Variants in ADAMTS17 observed in about 807,000 individuals in gnomAD.
The protein encoded by ADAMTS17 is A disintegrin and metalloproteinase with thrombospondin motifs 17.
A neutral mutation model predicts 141.5 loss-of-function variants in ADAMTS17; 113 were observed. That is an observed-to-expected ratio of 0.80 (90% CI 0.69 to 0.93). The LOEUF (loss-of-function observed/expected upper bound fraction) is 0.93, where lower values mean the gene tolerates loss of function less well. ADAMTS17 is among the 40% of genes least tolerant of loss of function. ADAMTS17 has a pLI of 0.00. For synonymous variants in ADAMTS17, 768 were observed against 630.6 expected (o/e 1.22, Z -3.27); for missense variants, 1,659 against 1,517.9 (o/e 1.09, Z -1.54).
rs183053131 is a variant in ADAMTS17 at position 100,284,428 on chromosome 15, G to A, written c.617-3027C>T. Among the ~76,000 whole-genome samples the A allele has an allele frequency of 2.5e-3, 382 of 152,322 alleles. 3 individuals are homozygous for A. The highest frequency in any genetic ancestry group is 7.9e-3 in the African/African-American group (330 of 41,558). On this transcript the variant is annotated intron_variant, in intron 3 of 21. Coordinates refer to ENST00000268070, the MANE Select transcript of ADAMTS17 (RefSeq NM_139057.4). ...TGCAGTGGGTAAAGGGATGAATAAT[G>A]ACACTTGCTCAACAGCCCCATGTGA... is the stretch of plus-strand genomic sequence containing the variant.
At chr15:100,107,700 C>T (rs148235698) in intron 14 of ADAMTS17, among the ~76,000 whole-genome samples, 20 of 152,216 alleles carry the variant, frequency 1.3e-4, no homozygotes, top group South Asian at 6.2e-4. Flanking sequence ...TTCCACTATG[C>T]GAGGACACAG....
intron 3 of ADAMTS17, among the ~76,000 whole-genome samples, chr15:100,300,805 G>A (rs983163541): frequency 1.5e-4 from 23 of 152,278 alleles, no homozygotes; most frequent in African/African-American, 5.5e-4. Context: ...AGCTCCACCT[G>A]GAAAGTTATT....
chr15:100,028,696 A>G (rs1254555560), intron 18 of ADAMTS17, among the ~76,000 whole-genome samples: 2 of 152,216 alleles, frequency 1.3e-5, no homozygotes, highest in African/African-American at 4.8e-5. Flanking sequence ...CCCTGCTGGC[A>G]GCAGCGGGGC....
chr15:100,209,166 G>A (rs942884389), intron 7 of ADAMTS17, among the ~76,000 whole-genome samples: 8 of 134,742 alleles, frequency 5.9e-5, no homozygotes, highest in African/African-American at 2.2e-4. Flanking sequence ...CTCAAAACAA[G>A]TAACCGCATT....
At chr15:100,173,435 G>A (rs2040230059) in intron 8 of ADAMTS17, among the ~76,000 whole-genome samples, 1 of 152,072 alleles carries the variant, frequency 6.6e-6, no homozygotes, top group Non-Finnish European at 1.5e-5. Flanking sequence ...TTCTGCCCAT[G>A]AGGACCCCAA....
At chr15:100,169,362 C>T (rs2141460344) in intron 8 of ADAMTS17, among the ~76,000 whole-genome samples, 1 of 152,292 alleles carries the variant, frequency 6.6e-6, no homozygotes, top group South Asian at 2.1e-4. Context: ...ACAATATTGA[C>T]AGAGCAGAGA....
chr15:100,204,207 C>A (rs1330420270), intron 7 of ADAMTS17, among the ~76,000 whole-genome samples: 1 of 152,178 alleles, frequency 6.6e-6, no homozygotes, highest in Non-Finnish European at 1.5e-5. Flanking sequence ...AAACAACAAA[C>A]AACTGTATAA....
chr15:100,235,771 C>T (rs2042635740), intron 7 of ADAMTS17, among the ~76,000 whole-genome samples: 1 of 152,192 alleles, frequency 6.6e-6, no homozygotes, highest in Non-Finnish European at 1.5e-5. Flanking sequence ...AAGAACAACA[C>T]AGCCAATGAT....
At chr15:100,075,610 G>A (rs1362039443) in intron 15 of ADAMTS17, among the ~76,000 whole-genome samples, 3 of 152,150 alleles carry the variant, frequency 2.0e-5, no homozygotes, top group African/African-American at 7.2e-5. Flanking sequence ...TACCTTTAAT[G>A]TCTAATAACT....
At chr15:100,215,342 T>C (rs1421740435) in intron 7 of ADAMTS17, among the ~76,000 whole-genome samples, 2 of 152,200 alleles carry the variant, frequency 1.3e-5, no homozygotes, top group East Asian at 3.9e-4. Flanking sequence ...GTCTGGAACA[T>C]CTACCAGATG....
intron 18 of ADAMTS17, among the ~76,000 whole-genome samples, chr15:100,016,666 G>T (rs138900192): frequency 6.6e-6 from 1 of 152,144 alleles, no homozygotes. Flanking sequence ...AAGTCTACCC[G>T]GCTCCAGGAT....
chr15:100,188,627 T>C (rs1029109173), intron 8 of ADAMTS17, among the ~76,000 whole-genome samples: 16 of 152,108 alleles, frequency 1.1e-4, no homozygotes, highest in African/African-American at 3.9e-4. Flanking sequence ...ATGTACCAGG[T>C]TTTATAATGT....
intron 12 of ADAMTS17, 81 bp from the exon 13 acceptor site, chr15:100,117,094 G>A (rs2037184856): frequency 2.0e-6 from 3 of 1,507,440 alleles, no homozygotes; most frequent in Non-Finnish European, 2.7e-6. Flanking sequence ...TCTTGCCAGG[G>A]GGAGGAGAGG....
At chr15:100,312,918 T>C (rs1478360031) in intron 3 of ADAMTS17, among the ~76,000 whole-genome samples, 2 of 152,182 alleles carry the variant, frequency 1.3e-5, no homozygotes, top group Admixed American at 6.5e-5. Flanking sequence ...CACATTTAAA[T>C]TGGAAAATCT....
chr15:99,981,098 C>G (rs1245076917), intron 20 of ADAMTS17, among the ~76,000 whole-genome samples: 1 of 152,212 alleles, frequency 6.6e-6, no homozygotes, highest in Non-Finnish European at 1.5e-5. Flanking sequence ...GGGACCCCAT[C>G]TCATGGAATG....
intron 3 of ADAMTS17, among the ~76,000 whole-genome samples, chr15:100,311,617 A>C (rs1328826530): frequency 1.3e-5 from 2 of 152,200 alleles, no homozygotes; most frequent in Non-Finnish European, 2.9e-5. Context: ...CTTCTTGTCC[A>C]ATTCCTCTGT....
At chr15:100,326,499 A>C (rs1256885476) in intron 3 of ADAMTS17, among the ~76,000 whole-genome samples, 1 of 152,212 alleles carries the variant, frequency 6.6e-6, no homozygotes, top group African/African-American at 2.4e-5. Context: ...TTAGCATCTA[A>C]GCTGTGGAAA....
intron 10 of ADAMTS17, among the ~76,000 whole-genome samples, chr15:100,139,496 G>C (rs1029258386): frequency 6.6e-6 from 1 of 152,240 alleles, no homozygotes; most frequent in Non-Finnish European, 1.5e-5. Flanking sequence ...GTACAAGACA[G>C]TGCCCTGCAA....
At chr15:100,337,812 T>C (rs1268050756) in intron 2 of ADAMTS17, among the ~76,000 whole-genome samples, 1 of 152,244 alleles carries the variant, frequency 6.6e-6, no homozygotes, top group Non-Finnish European at 1.5e-5. Context: ...AAGATTCTTT[T>C]CAGAGCCTGA....
Sources: allele counts gnomAD v4.1 joint callset (sites outside exome capture counted in the v4.1 genomes callset), GRCh38; gene constraint gnomAD v4.1.1; transcripts MANE v1.5; gene names NCBI Gene and HGNC (gene_info 2026-07-23, HGNC 2026-07-21).